The following LRRIQ1 variants were observed in gnomAD, a reference collection of about 807,000 sequenced individuals.
The protein encoded by LRRIQ1 is leucine-rich repeat- and IQ domain-containing protein 1.
A neutral mutation model predicts 211.9 loss-of-function variants in LRRIQ1; 210 were observed. That is an observed-to-expected ratio of 0.99 (90% CI 0.89 to 1.11). LRRIQ1 has a LOEUF of 1.11. Ranked by LOEUF, LRRIQ1 falls within the 50% of genes most tolerant of loss-of-function variation. LRRIQ1 has a pLI of 0.00. For missense variants in LRRIQ1, 2,136 were observed against 1,939.5 expected, an observed-to-expected ratio of 1.10 and a Z score of -1.90; for synonymous variants, 699 against 650.1, an observed-to-expected ratio of 1.08 and a Z score of -1.14.
chr12:85,227,062 T>C (rs778530190), intron 24 of LRRIQ1, among the ~76,000 whole-genome samples: 15 of 49,378 alleles, frequency 3.0e-4, no homozygotes, highest in African/African-American at 8.4e-4. Context: ...GATGTCTGGG[T>C]CAAATGGTAT....
At chr12:85,198,019 AT>A (rs1356076025) in intron 24 of LRRIQ1, among the ~76,000 whole-genome samples, 20 of 54,782 alleles carry the variant, frequency 3.7e-4, no homozygotes, top group South Asian at 2.3e-3. Context: ...AATATATTAT[AT>A]TATTATATAT....
intron 25 of LRRIQ1, 50 bp from the exon 26 acceptor site, chr12:85,232,646 T>C: frequency 6.9e-7 from 1 of 1,451,630 alleles, no homozygotes; most frequent in Non-Finnish European, 9.6e-7. Flanking sequence ...TTTTATATGC[T>C]TCCTCTACAT....
At chr12:85,053,830 C>G (rs930676160) in intron 7 of LRRIQ1, among the ~76,000 whole-genome samples, 1 of 152,176 alleles carries the variant, frequency 6.6e-6, no homozygotes. Flanking sequence ...GCCTCAGCCT[C>G]CCGAGTAGCT....
chr12:85,193,323 G>A (rs1204101498), intron 24 of LRRIQ1, among the ~76,000 whole-genome samples: 8 of 115,632 alleles, frequency 6.9e-5, no homozygotes, highest in East Asian at 4.6e-4. Context: ...TACAGAGAAC[G>A]CCACAAAGAT....
At chr12:85,061,496 C>T (rs1409684221) in intron 8 of LRRIQ1, among the ~76,000 whole-genome samples, 4 of 151,740 alleles carry the variant, frequency 2.6e-5, no homozygotes, top group African/African-American at 9.7e-5. Context: ...GCAGTTACTT[C>T]TGTACTATAA....
chr12:85,180,111 A>C (rs1203629224), intron 24 of LRRIQ1, among the ~76,000 whole-genome samples: 2 of 151,996 alleles, frequency 1.3e-5, no homozygotes, highest in Non-Finnish European at 2.9e-5. Context: ...CAACTCATTC[A>C]GTGTTCACAT....
chr12:85,189,427 A>G (rs1052316884), intron 24 of LRRIQ1, among the ~76,000 whole-genome samples: 2 of 152,150 alleles, frequency 1.3e-5, no homozygotes, highest in Non-Finnish European at 2.9e-5. Context: ...CAAATGGAAA[A>G]GACAATACAA....
Position 85,055,839 on chromosome 12 carries a change from G to GA in LRRIQ1, c.1052dup (p.Gln352AlafsTer14). 12 of 1,537,062 alleles carry GA rather than the reference G, an allele frequency of 7.8e-6. No individual in the cohort carries two copies. Among genetic ancestry groups the GA allele is most frequent in the Non-Finnish European group, 1.1e-5 (12 of 1,141,720 alleles). On this transcript the variant is annotated frameshift_variant, in exon 8 of 27. Coordinates refer to ENST00000393217, the MANE Select transcript of LRRIQ1 (RefSeq NM_001079910.2). LOFTEE classifies it high-confidence loss of function. ...GAGGAACAAAGGATAAAAGAAGAGA[G>GA]AAAAAAGCAAAAGGAAGAGGAAAGG...
At chr12:85,067,291 A>G (rs552028260) in intron 10 of LRRIQ1, among the ~76,000 whole-genome samples, 9 of 151,892 alleles carry the variant, frequency 5.9e-5, no homozygotes, top group Non-Finnish European at 8.8e-5. Context: ...CATTAGCTAC[A>G]TACATCACTT....
intron 9 of LRRIQ1, 95 bp from the exon 10 acceptor site, chr12:85,066,653 T>G: frequency 1.1e-6 from 1 of 893,860 alleles, no homozygotes; most frequent in South Asian, 2.1e-5. Flanking sequence ...AATTTGGAGA[T>G]CCTATCTCAT....
At chr12:85,242,519 C>G (rs191805590) in intron 26 of LRRIQ1, among the ~76,000 whole-genome samples, 1 of 151,960 alleles carries the variant, frequency 6.6e-6, no homozygotes, top group Admixed American at 6.6e-5. Context: ...ATTTTGTTAT[C>G]TGTGGAAGTC....
In LRRIQ1 at chr12:85,106,579, T is replaced by G. The variant is rs1391232424; in HGVS notation, c.3341T>G (p.Leu1114Arg). ...TGCTATTCTCTCCATGAATTGTCTC[T>G]TACTGGAAACCCACTTCTTCAAGAA... ...DACYSLHELS[L>R]TGNPLLQETN... Residue 1114 changes from leucine to arginine, a missense_variant, in exon 15 of 27, where the codon CTT (leucine) becomes CGT (arginine). Transcript: ENST00000393217. 3 of 1,612,814 alleles carry G rather than the reference T, an allele frequency of 1.9e-6. No individual in the cohort carries two copies. The highest frequency in any genetic ancestry group is 1.1e-5 in the South Asian group (1 of 91,026).
intron 24 of LRRIQ1, among the ~76,000 whole-genome samples, chr12:85,192,675 A>G (rs1225948608): frequency 4.2e-5 from 3 of 71,350 alleles, no homozygotes; most frequent in African/African-American, 3.2e-4. Context: ...ATAGTTATAT[A>G]CTATAATTAT....
intron 24 of LRRIQ1, among the ~76,000 whole-genome samples, chr12:85,191,887 T>C (rs1357162919): frequency 1.3e-5 from 2 of 151,986 alleles, no homozygotes; most frequent in African/African-American, 4.8e-5. Context: ...GAGCATCTTT[T>C]CATATGTTAT....
At chr12:85,044,913 T>A (rs1879354760) in intron 4 of LRRIQ1, 104 bp downstream of exon 4, 1 of 464,304 alleles carries the variant, frequency 2.2e-6, no homozygotes, top group Admixed American at 4.0e-5. Context: ...CTGATTTAAA[T>A]ATTAAAAATT....
chr12:85,200,882 C>T (rs997013688), intron 24 of LRRIQ1, among the ~76,000 whole-genome samples: 5 of 151,844 alleles, frequency 3.3e-5, no homozygotes, highest in Non-Finnish European at 4.4e-5. Flanking sequence ...TGCAGTGGAG[C>T]GATCTCAGCT....
chr12:85,193,738 T>C (rs1245526564), intron 24 of LRRIQ1, among the ~76,000 whole-genome samples: 1 of 151,164 alleles, frequency 6.6e-6, no homozygotes, highest in African/African-American at 2.4e-5. Flanking sequence ...GTAAAGACCA[T>C]CGAGACTAGG....
chr12:85,261,417 A>G (rs991523870), intron 1 of LRRIQ1, among the ~76,000 whole-genome samples: 1 of 152,176 alleles, frequency 6.6e-6, no homozygotes, highest in Admixed American at 6.5e-5. Context: ...AATATTCACC[A>G]TCATGTTGCA....
chr12:85,080,424 G>A (rs768357943), intron 11 of LRRIQ1, among the ~76,000 whole-genome samples: 2 of 150,284 alleles, frequency 1.3e-5, no homozygotes. Context: ...TAATATAGAG[G>A]GCATAATATA....
Sources: allele counts gnomAD v4.1 joint callset (sites outside exome capture counted in the v4.1 genomes callset), GRCh38; gene constraint gnomAD v4.1.1; transcripts MANE v1.5; gene names NCBI Gene and HGNC (gene_info 2026-07-23, HGNC 2026-07-21).